KIAA2012: variants seen among roughly 807,000 people sequenced by gnomAD.
KIAA2012 encodes KIAA2012.
KIAA2012 carries 125 observed loss-of-function variants against 150.6 expected under a neutral mutation model. The observed-to-expected ratio is 0.83, with a 90% CI of 0.72 to 0.96. The LOEUF is 0.96. Among genes scored for constraint, KIAA2012 ranks in the 40% least tolerant of loss-of-function variants. The pLI is 0.00. For missense variants in KIAA2012, 1,219 were observed against 1,354.9 expected, an observed-to-expected ratio of 0.90 and a Z score of 1.57; for synonymous variants, 462 against 504.7, an observed-to-expected ratio of 0.92 and a Z score of 1.13.
intron 4 of KIAA2012, among the ~76,000 whole-genome samples, chr2:202,095,976 C>T (rs768054784): frequency 5.3e-4 from 80 of 152,034 alleles, no homozygotes; most frequent in Non-Finnish European, 1.1e-3. Flanking sequence ...CCCAGCTACT[C>T]GGGAGGCTGA....
intron 15 of KIAA2012, among the ~76,000 whole-genome samples, chr2:202,182,389 G>C (rs1201624142): frequency 6.6e-6 from 1 of 151,930 alleles, no homozygotes; most frequent in African/African-American, 2.4e-5. Flanking sequence ...TGAGATTACA[G>C]GCATGAGCCC....
intron 20 of KIAA2012, 103 bp downstream of exon 20, chr2:202,193,606 C>T: frequency 1.7e-6 from 2 of 1,169,774 alleles, no homozygotes; most frequent in Non-Finnish European, 2.4e-6. Flanking sequence ...GAGGCTCATG[C>T]CCTGAAGTTA....
At chr2:202,080,683 C>A (rs187792357) in intron 2 of KIAA2012, among the ~76,000 whole-genome samples, 3 of 114,040 alleles carry the variant, frequency 2.6e-5, no homozygotes, top group Non-Finnish European at 5.0e-5. Flanking sequence ...GCAACAAGAG[C>A]GAAACTCCGT....
chr2:202,086,272 G>A (rs975612265), intron 2 of KIAA2012, among the ~76,000 whole-genome samples: 5 of 151,312 alleles, frequency 3.3e-5, no homozygotes, highest in Non-Finnish European at 4.4e-5. Flanking sequence ...CTTGCCATCC[G>A]CACAGGGGCC....
At chr2:202,149,514 A>G (rs1201616846) in intron 13 of KIAA2012, among the ~76,000 whole-genome samples, 1 of 152,190 alleles carries the variant, frequency 6.6e-6, no homozygotes, top group East Asian at 1.9e-4. Context: ...GCCTCTTGGC[A>G]GCCTGTTCTC....
intron 23 of KIAA2012, among the ~76,000 whole-genome samples, chr2:202,203,778 T>C (rs1692579148): frequency 6.6e-6 from 1 of 151,946 alleles, no homozygotes; most frequent in Non-Finnish European, 1.5e-5. Context: ...ATGTCTTTTT[T>C]TTTTTTTTTG....
At chr2:202,132,280 G>T (rs1213188190) in intron 12 of KIAA2012, among the ~76,000 whole-genome samples, 1 of 152,160 alleles carries the variant, frequency 6.6e-6, no homozygotes, top group African/African-American at 2.4e-5. Flanking sequence ...TTATAGAAAT[G>T]ACTCCCAGCT....
chr2:202,148,711 A>G (rs903888092), intron 13 of KIAA2012, among the ~76,000 whole-genome samples: 5 of 152,160 alleles, frequency 3.3e-5, no homozygotes, highest in African/African-American at 1.2e-4. Context: ...CCAGGCGTCC[A>G]TCTGACCTCC....
intron 2 of KIAA2012, among the ~76,000 whole-genome samples, chr2:202,087,540 G>A (rs1037184338): frequency 5.9e-5 from 8 of 135,262 alleles, no homozygotes; most frequent in Non-Finnish European, 1.1e-4. Context: ...AAAAAAGGCT[G>A]CTAACCCCTG....
intron 7 of KIAA2012, 73 bp from the exon 8 acceptor site, chr2:202,102,873 A>C: frequency 7.5e-7 from 1 of 1,336,038 alleles, no homozygotes; most frequent in Non-Finnish European, 1.0e-6. Flanking sequence ...AATAAGAGAC[A>C]GTATCGTTTG....
intron 14 of KIAA2012, 26 bp from the exon 15 acceptor site, chr2:202,165,253 ATGTAT>A (rs1343629353): frequency 6.5e-7 from 1 of 1,538,910 alleles, no homozygotes; most frequent in East Asian, 2.4e-5. Flanking sequence ...ATTATGTCTA[ATGTAT>A]TCTTTGTTGT....
At position 202,114,976 on chromosome 2, in the gene KIAA2012, G is replaced by A. The variant is rs1188352412; in HGVS notation, c.1762+1530G>A. On this transcript the variant is annotated intron_variant, in intron 11 of 23. Coordinates refer to ENST00000498697, the MANE Select transcript of KIAA2012 (RefSeq NM_001277372.4). ...GGGCAGTTGGTTGACCTTCAGTCTTGATGGTGACAGGATGTTGCTCAAGAA... is the reference window on the plus strand; with the variant it reads ...GGGCAGTTGGTTGACCTTCAGTCTTAATGGTGACAGGATGTTGCTCAAGAA... The A allele has an allele frequency of 5.4e-5, 9 of 167,518 alleles. No homozygotes were observed. In the East Asian group the frequency reaches 1.5e-3, roughly 29 times the overall value. The allele number at this position is 167,518 out of a possible 1,614,324, so 10.4% of individuals were successfully genotyped here. A position where few individuals can be genotyped will look rare whatever the true frequency, so the allele number is the denominator to read the frequency against.
chr2:202,110,306 C>G (rs1433236413), intron 10 of KIAA2012, among the ~76,000 whole-genome samples: 1 of 152,166 alleles, frequency 6.6e-6, no homozygotes, highest in Non-Finnish European at 1.5e-5. Flanking sequence ...AAGTACTTAT[C>G]CTTAAGGAGT....
rs1206078702 is a variant in KIAA2012 at position 202,194,289 on chromosome 2, A to G, written c.3114A>G (p.Gln1038=). The part of the protein sequence containing the change: ...RLKAAQERAR[Q]QQEEFRRKLR... ...AAGCAGCCCAGGAGAGAGCCCGGCA[A>G]CAGCAAGAGGAGTTTCGGAGGAAAC... Residue 1038 remains glutamine (Q), a synonymous_variant, in exon 21 of 24, where the codon CAA becomes CAG. Transcript: ENST00000498697. The G allele has an allele frequency of 6.4e-7, 1 of 1,550,528 alleles. No homozygotes were observed. The highest frequency in any genetic ancestry group is 8.7e-7 in the Non-Finnish European group (1 of 1,147,016).
rs532154857 is a variant in KIAA2012 at position 202,158,997 on chromosome 2, G to A, written c.2046+4187G>A. Among the ~76,000 whole-genome samples the A allele has an allele frequency of 5.9e-5, 9 of 152,306 alleles. No homozygotes were observed. In the East Asian group the frequency reaches 1.5e-3, roughly 26 times the overall value. Reference sequence around the variant, plus strand: ...CAGTTAGCATATAGTGCCCTCAAATGCAAGGTAGAGGAATTGGCCTGAACA... The same window carrying A: ...CAGTTAGCATATAGTGCCCTCAAATACAAGGTAGAGGAATTGGCCTGAACA... On this transcript the variant is annotated intron_variant, in intron 14 of 23. Coordinates refer to ENST00000498697, the MANE Select transcript of KIAA2012 (RefSeq NM_001277372.4).
chr2:202,128,252 A>G (rs1232199948), intron 12 of KIAA2012, among the ~76,000 whole-genome samples: 1 of 152,034 alleles, frequency 6.6e-6, no homozygotes, highest in African/African-American at 2.4e-5. Context: ...CTCTCCATGA[A>G]ACTGCAAGCT....
intron 11 of KIAA2012, among the ~76,000 whole-genome samples, chr2:202,123,451 C>G (rs562031318): frequency 6.6e-6 from 1 of 152,184 alleles, no homozygotes; most frequent in East Asian, 1.9e-4. Context: ...GTAGGGTCAA[C>G]AATTAACACT....
intron 13 of KIAA2012, among the ~76,000 whole-genome samples, chr2:202,143,964 C>T (rs1376576219): frequency 6.6e-6 from 1 of 152,076 alleles, no homozygotes; most frequent in Non-Finnish European, 1.5e-5. Context: ...GCGCTTGAGC[C>T]CACTTGTTTA....
At chr2:202,203,301 A>C (rs1692565806) in intron 23 of KIAA2012, among the ~76,000 whole-genome samples, 2 of 152,182 alleles carry the variant, frequency 1.3e-5, no homozygotes, top group Admixed American at 6.6e-5. Context: ...CAAATATATA[A>C]AGAATTTTAT....
Sources: allele counts gnomAD v4.1 joint callset (sites outside exome capture counted in the v4.1 genomes callset), GRCh38; gene constraint gnomAD v4.1.1; transcripts MANE v1.5; gene names NCBI Gene and HGNC (gene_info 2026-07-23, HGNC 2026-07-21).